The following SP4 variants were observed in gnomAD, a reference collection of about 807,000 sequenced individuals.
SP4 encodes the protein Sp4 transcription factor.
In SP4, 19 loss-of-function variants were observed where a neutral mutation model predicts 72.8. The ratio of observed to expected loss-of-function variants is 0.26; its 90% CI spans 0.18 to 0.38. SP4 has a LOEUF of 0.38. Among genes scored for constraint, SP4 ranks in the 10% least tolerant of loss-of-function variants. SP4 has a pLI of 1.00. For synonymous variants in SP4, 395 were observed against 333.1 expected (o/e 1.19, Z -2.02); for missense variants, 1,008 against 926.3 (o/e 1.09, Z -1.14).
At chr7:21,475,645 A>G (rs909276886) in intron 3 of SP4, among the ~76,000 whole-genome samples, 3 of 151,920 alleles carry the variant, frequency 2.0e-5, no homozygotes, top group African/African-American at 7.3e-5. Context: ...TTGTATTTTT[A>G]GTAGAGGCTG....
intron 5 of SP4, among the ~76,000 whole-genome samples, chr7:21,508,451 C>G (rs1350527388): frequency 2.0e-5 from 3 of 152,154 alleles, no homozygotes; most frequent in African/African-American, 7.2e-5. Flanking sequence ...CTCAGCCTCC[C>G]AAGTAGCTGG....
intron 3 of SP4, among the ~76,000 whole-genome samples, chr7:21,438,617 C>T (rs1472627835): frequency 1.3e-5 from 2 of 152,082 alleles, no homozygotes; most frequent in Non-Finnish European, 2.9e-5. Context: ...GATATGTTAT[C>T]TCGGTATAGT....
chr7:21,475,478 G>GT (rs1464476035), intron 3 of SP4, among the ~76,000 whole-genome samples: 90 of 151,336 alleles, frequency 5.9e-4, no homozygotes, highest in African/African-American at 2.1e-3. Context: ...ATATTTTATT[G>GT]TTATTTTGAG....
intron 3 of SP4, among the ~76,000 whole-genome samples, chr7:21,462,586 C>T (rs1275395303): frequency 2.6e-5 from 4 of 151,736 alleles, no homozygotes; most frequent in South Asian, 2.1e-4. Flanking sequence ...GGAGATTGGT[C>T]CTGAGAAGAG....
intron 3 of SP4, among the ~76,000 whole-genome samples, chr7:21,431,842 A>G (rs1454791624): frequency 6.6e-6 from 1 of 152,250 alleles, no homozygotes; most frequent in East Asian, 1.9e-4. Context: ...TGTGGGATAA[A>G]TAAGTTTATC....
chr7:21,456,675 AG>A (rs1307925439), intron 3 of SP4, among the ~76,000 whole-genome samples: 2 of 152,192 alleles, frequency 1.3e-5, no homozygotes, highest in African/African-American at 4.8e-5. Context: ...ACAGGAGAAA[AG>A]GTGGTGTGAG....
chr7:21,500,967 C>T (rs1188499717), intron 5 of SP4, among the ~76,000 whole-genome samples: 1 of 152,148 alleles, frequency 6.6e-6, no homozygotes, highest in Admixed American at 6.5e-5. Flanking sequence ...TAATGGTGGT[C>T]TTGCAAGATG....
chr7:21,433,390 G>A (rs989008605), intron 3 of SP4, among the ~76,000 whole-genome samples: 1 of 152,124 alleles, frequency 6.6e-6, no homozygotes, highest in Non-Finnish European at 1.5e-5. Flanking sequence ...CTTTTAAAAA[G>A]ACAGCAGTCT....
chr7:21,453,073 C>T lies in SP4; in HGVS notation c.1678+22230C>T, dbSNP rs78766835. Among the ~76,000 whole-genome samples the T allele has an allele frequency of 3.3e-3, 500 of 152,208 alleles. 1 individual carries two copies. The highest frequency in any genetic ancestry group is 0.011 in the African/African-American group (451 of 41,534). ...GATTACAGGTGTGAGCCACCGTGCC[C>T]GACCTACTCAATTGTTAAAAGCTGT... On this transcript the variant is annotated intron_variant, in intron 3 of 5. Transcript: ENST00000222584.
In SP4 at chr7:21,511,513, A is replaced by G. The variant is rs138272201; in HGVS notation, c.*244A>G. The G allele has an allele frequency of 4.0e-5, 18 of 447,388 alleles. No individual in the cohort carries two copies. The highest frequency in any genetic ancestry group is 3.5e-4 in the African/African-American group (18 of 51,540). 27.7% of individuals were successfully genotyped at this position (447,388 alleles called of 1,614,324 possible). A position where few individuals can be genotyped will look rare whatever the true frequency, so the allele number is the denominator to read the frequency against. On this transcript the variant is annotated 3_prime_UTR_variant, in exon 6 of 6. Coordinates refer to ENST00000222584, the MANE Select transcript of SP4 (RefSeq NM_003112.5). ...TACTATAAGTTGTAGTTGTTTGGAA[A>G]TATATCACATAACCTTTATACAGAA...
chr7:21,429,362 C>A lies in SP4; in HGVS notation c.197C>A (p.Ala66Glu). 6.2e-7 allele frequency: 1 copy of A among 1,613,872 alleles called. No individual in the cohort carries two copies. Among genetic ancestry groups the A allele is most frequent in the South Asian group, 1.1e-5 (1 of 91,070 alleles). The change falls in exon 3 of 6, where the codon GCA becomes GAA. Residue 66 changes from alanine (A) to glutamate (E), a missense_variant. Coordinates refer to ENST00000222584, the MANE Select transcript of SP4 (RefSeq NM_003112.5). ...SKIGTPGENQ[A>E]TGQQQIIIDP... ...ATAGGGACTCCTGGTGAAAATCAAG[C>A]AACTGGACAACAACAAATTATTATA...
chr7:21,484,409 A>G (rs1784761891), intron 5 of SP4, among the ~76,000 whole-genome samples: 2 of 151,906 alleles, frequency 1.3e-5, no homozygotes, highest in South Asian at 2.1e-4. Flanking sequence ...TCAACACTCA[A>G]AAAGTTTCAG....
Position 21,437,269 on chromosome 7 carries a change from C to G in SP4, c.1678+6426C>G, listed in dbSNP as rs186768297. 1.1e-3 allele frequency among the ~76,000 whole-genome samples: 166 copies of G among 152,276 alleles called. No individual in the cohort carries two copies. In the Middle Eastern group the frequency reaches 0.02, roughly 19 times the overall value. ...AAAAGAACCGAGGAATCACTGGGAG[C>G]CACTATGGGTTCACTAAGAAACTAG... On this transcript the variant is annotated intron_variant, in intron 3 of 5. Coordinates refer to ENST00000222584, the MANE Select transcript of SP4 (RefSeq NM_003112.5).
In SP4 at chr7:21,432,973, G is replaced by T. The variant is rs145160889; in HGVS notation, c.1678+2130G>T. Among the ~76,000 whole-genome samples the T allele has an allele frequency of 2.6e-4, 39 of 152,306 alleles. No individual in the cohort carries two copies. In the East Asian group the frequency reaches 7.3e-3, roughly 29 times the overall value. ...TGCCTCACTGCACTCCCACCTGAGT[G>T]ACAGAGCGAGACCCTCTCTCAAACA... On this transcript the variant is annotated intron_variant, in intron 3 of 5. Transcript: ENST00000222584.
At chr7:21,438,100 A>G (rs892788123) in intron 3 of SP4, among the ~76,000 whole-genome samples, 1 of 151,992 alleles carries the variant, frequency 6.6e-6, no homozygotes, top group Non-Finnish European at 1.5e-5. Context: ...GTTACACAAC[A>G]GTGGAATGGT....
intron 3 of SP4, among the ~76,000 whole-genome samples, chr7:21,476,273 C>CAAAAAAAA (rs753166936): frequency 8.1e-5 from 4 of 49,640 alleles, no homozygotes; most frequent in East Asian, 6.3e-4. Context: ...GACTCCATCT[C>CAAAAAAAA]AAAAAAAAAA....
intron 5 of SP4, among the ~76,000 whole-genome samples, chr7:21,505,099 G>C (rs1379304672): frequency 6.6e-6 from 1 of 152,188 alleles, no homozygotes; most frequent in African/African-American, 2.4e-5. Flanking sequence ...TCTTCTTTTA[G>C]TAACTTGATA....
In SP4 at chr7:21,430,122, C is replaced by T. The variant is rs372494206; in HGVS notation, c.957C>T (p.Ser319=). The T allele has an allele frequency of 9.9e-6, 16 of 1,614,082 alleles. No homozygotes were observed. In the African/African-American group the frequency reaches 1.5e-4, roughly 15 times the overall value. The part of the protein sequence containing the change: ...TSASTMPESP[S]SSTTCTTTAS... ...CCAGTACTATGCCAGAATCTCCCTC[C>T]TCCTCCACTACCTGCACAACCACTG... Residue 319 remains serine, a synonymous_variant, in exon 3 of 6, where the codon TCC becomes TCT. Coordinates refer to ENST00000222584, the MANE Select transcript of SP4 (RefSeq NM_003112.5).
intron 3 of SP4, among the ~76,000 whole-genome samples, chr7:21,434,745 C>CA (rs1782990238): frequency 6.6e-6 from 1 of 151,920 alleles, no homozygotes; most frequent in Non-Finnish European, 1.5e-5. Context: ...TATTTTTTTC[C>CA]ACCCTCACCC....
Sources: gnomAD v4.1 joint callset for allele counts (sites outside exome capture counted in the v4.1 genomes callset) on GRCh38, gnomAD v4.1.1 for gene constraint, MANE v1.5 for transcripts, NCBI Gene and HGNC (gene_info 2026-07-23, HGNC 2026-07-21) for gene names.